The following UTP25 variants were observed in gnomAD, a reference collection of about 807,000 sequenced individuals.
UTP25 encodes U3 small nucleolar RNA-associated protein 25 homolog.
Under a neutral mutation model 78.9 loss-of-function variants are expected in UTP25, and 50 were observed. The ratio of observed to expected loss-of-function variants is 0.63; its 90% CI spans 0.50 to 0.80. UTP25 has a LOEUF of 0.80. Among genes scored for constraint, UTP25 ranks in the 30% least tolerant of loss-of-function variants. The pLI, the probability that UTP25 is intolerant of heterozygous loss-of-function variation, is 0.00. For synonymous variants in UTP25, 329 were observed against 336.5 expected, an observed-to-expected ratio of 0.98 and a Z score of 0.24; for missense variants, 846 against 911.3, an observed-to-expected ratio of 0.93 and a Z score of 0.92.
rs141324710 is a variant in UTP25 at position 209,848,379 on chromosome 1, G to A, written c.2028-2825G>A. ...TGTGTGTATGTAATTAATAAGTAAC[G>A]TGTGAGGTAAACATCACATTGTTTT... On this transcript the variant is annotated intron_variant, in intron 11 of 11. Coordinates refer to ENST00000491415, the MANE Select transcript of UTP25 (RefSeq NM_014388.7). 4.8e-3 allele frequency among the ~76,000 whole-genome samples: 735 copies of A among 152,240 alleles called. 9 individuals carry two copies. Among genetic ancestry groups the A allele is most frequent in the Non-Finnish European group, 6.1e-3 (417 of 68,012 alleles).
chr1:209,845,126 G>A (rs1414403270), intron 11 of UTP25, among the ~76,000 whole-genome samples: 3 of 152,226 alleles, frequency 2.0e-5, no homozygotes, highest in Admixed American at 1.3e-4. Flanking sequence ...TGGGGAGGGA[G>A]GCGTCCCAGC....
chr1:209,828,389 G>C (rs2102565192), intron 1 of UTP25, among the ~76,000 whole-genome samples: 1 of 146,846 alleles, frequency 6.8e-6, no homozygotes, highest in South Asian at 2.2e-4. Context: ...CACGCCCGTT[G>C]TGTGGGGGAG....
chr1:209,837,984 C>G (rs926590749), intron 6 of UTP25, among the ~76,000 whole-genome samples: 6 of 152,142 alleles, frequency 3.9e-5, no homozygotes, highest in African/African-American at 1.4e-4. Flanking sequence ...GTCAAACTCC[C>G]TTGTGTAATA....
Position 209,856,191 on chromosome 1 carries a change from A to AG in UTP25, c.*4747dup, listed in dbSNP as rs2102588949. 1 of 152,330 alleles carries AG rather than the reference A, an allele frequency of 6.6e-6. No homozygotes were observed. The highest frequency in any genetic ancestry group is 2.1e-4 in the South Asian group (1 of 4,822). 9.4% of individuals were successfully genotyped at this position (152,330 alleles called of 1,614,324 possible). On this transcript the variant is annotated 3_prime_UTR_variant, in exon 12 of 12. Transcript: ENST00000491415. ...GGAGTAATCCCCACTAGCCTTATAG[A>AG]GGGACTGTGTGAGAAGGGAAGAGAC...
In UTP25 at chr1:209,853,196, G is replaced by A. The variant is rs971234903; in HGVS notation, c.*1749G>A. ...AAATTTAGTTAGATAAAAGCCGACC[G>A]AACCCATGCTACAAAGAACTTTTTG... On this transcript the variant is annotated 3_prime_UTR_variant, in exon 12 of 12. Transcript: ENST00000491415. 2.0e-5 allele frequency: 3 copies of A among 152,048 alleles called. No individual in the cohort carries two copies. The highest frequency in any genetic ancestry group is 1.9e-4 in the East Asian group (1 of 5,196). The allele number at this position is 152,048 out of a possible 1,614,324, so 9.4% of individuals were successfully genotyped here. A position where few individuals can be genotyped will look rare whatever the true frequency, so the allele number is the denominator to read the frequency against.
At chr1:209,839,173 A>C (rs749040912) in intron 7 of UTP25, 45 bp downstream of exon 7, 1 of 1,491,790 alleles carries the variant, frequency 6.7e-7, no homozygotes, top group East Asian at 2.3e-5. Flanking sequence ...GTGAAGGTCT[A>C]CATAGCTGGA....
At chr1:209,831,122 C>T in intron 3 of UTP25, 79 bp downstream of exon 3, 1 of 1,462,096 alleles carries the variant, frequency 6.8e-7, no homozygotes, top group Non-Finnish European at 9.4e-7. Flanking sequence ...ACCTTATATA[C>T]TGTGTGAGTT....
At chr1:209,828,769 A>G (rs1447071598) in intron 1 of UTP25, among the ~76,000 whole-genome samples, 2 of 132,520 alleles carry the variant, frequency 1.5e-5, no homozygotes, top group Non-Finnish European at 1.6e-5. Flanking sequence ...ATATATATGT[A>G]TATATATAAT....
rs1227605656 is a variant in UTP25, at chr1:209,853,466, CG to C, written c.*2020del. 6.6e-6 allele frequency: 1 copy of C among 151,894 alleles called. No individual in the cohort carries two copies. The highest frequency in any genetic ancestry group is 2.4e-5 in the African/African-American group (1 of 41,332). 9.4% of individuals were successfully genotyped at this position (151,894 alleles called of 1,614,324 possible). A position where few individuals can be genotyped will look rare whatever the true frequency, so the allele number is the denominator to read the frequency against. ...GTGCCTCCCGAGTTCAAGCGATTCT[CG>C]TGCCTCCGCCTCCCAAGTAGCTGGG... On this transcript the variant is annotated 3_prime_UTR_variant, in exon 12 of 12. Coordinates refer to ENST00000491415, the MANE Select transcript of UTP25 (RefSeq NM_014388.7).
In UTP25 at chr1:209,853,471, C is replaced by T. The variant is rs112972438; in HGVS notation, c.*2024C>T. ...TCCCGAGTTCAAGCGATTCTCGTGC[C>T]TCCGCCTCCCAAGTAGCTGGGACTA... On this transcript the variant is annotated 3_prime_UTR_variant, in exon 12 of 12. Coordinates refer to ENST00000491415, the MANE Select transcript of UTP25 (RefSeq NM_014388.7). The T allele has an allele frequency of 0.14, 21,591 of 152,030 alleles. 1,745 individuals carry two copies. Among genetic ancestry groups the T allele is most frequent in the South Asian group, 0.22 (1,040 of 4,812 alleles). The allele number at this position is 152,030 out of a possible 1,614,324, so 9.4% of individuals were successfully genotyped here.
At chr1:209,838,419 A>T (rs1352723206) in intron 6 of UTP25, among the ~76,000 whole-genome samples, 1 of 151,936 alleles carries the variant, frequency 6.6e-6, no homozygotes, top group East Asian at 1.9e-4. Context: ...TAGAGAATGC[A>T]CTAGAAATGT....
rs766582766 is a variant in UTP25, at chr1:209,853,270, A to G, written c.*1823A>G. The G allele has an allele frequency of 3.9e-5, 6 of 152,044 alleles. No homozygotes were observed. Among genetic ancestry groups the G allele is most frequent in the Admixed American group, 1.3e-4 (2 of 15,268 alleles). The allele number at this position is 152,044 out of a possible 1,614,324, so 9.4% of individuals were successfully genotyped here. A position where few individuals can be genotyped will look rare whatever the true frequency, so the allele number is the denominator to read the frequency against. Reference sequence around the variant, plus strand: ...TACTGGCGTAATTGTGCTGCTGTTTATCATAGATCCTGTATATTATGAGAA... The same window carrying G: ...TACTGGCGTAATTGTGCTGCTGTTTGTCATAGATCCTGTATATTATGAGAA... On this transcript the variant is annotated 3_prime_UTR_variant, in exon 12 of 12. Coordinates refer to ENST00000491415, the MANE Select transcript of UTP25 (RefSeq NM_014388.7).
intron 2 of UTP25, 31 bp downstream of exon 2, chr1:209,830,178 G>C: frequency 8.8e-6 from 14 of 1,596,636 alleles, no homozygotes; most frequent in Non-Finnish European, 1.2e-5. Flanking sequence ...TTTAATAGTT[G>C]GTTTTGGGTT....
intron 2 of UTP25, 132 bp downstream of exon 2, chr1:209,830,279 C>G: frequency 2.5e-6 from 2 of 814,022 alleles, no homozygotes; most frequent in African/African-American, 1.8e-5. Flanking sequence ...GGCAGTATCA[C>G]TTAATTTTAA....
At chr1:209,835,292 G>A in intron 5 of UTP25, 129 bp downstream of exon 5, 1 of 747,688 alleles carries the variant, frequency 1.3e-6, no homozygotes, top group Non-Finnish European at 2.2e-6. Flanking sequence ...GGGAAGCAGG[G>A]CATAAGGAAG....
intron 11 of UTP25, among the ~76,000 whole-genome samples, chr1:209,849,383 G>A (rs1427215119): frequency 6.6e-6 from 1 of 151,966 alleles, no homozygotes; most frequent in Non-Finnish European, 1.5e-5. Context: ...GCTTTTTACT[G>A]GGTACAAGTC....
intron 7 of UTP25, among the ~76,000 whole-genome samples, chr1:209,840,274 A>C (rs1171278424): frequency 6.6e-6 from 1 of 152,264 alleles, no homozygotes; most frequent in African/African-American, 2.4e-5. Context: ...AGCTTTATGC[A>C]GCACGAGAGC....
At position 209,836,980 on chromosome 1, in the gene UTP25, C is replaced by G. The variant is rs766205047; in HGVS notation, c.831C>G (p.Pro277=). 1.4e-5 allele frequency: 23 copies of G among 1,614,026 alleles called. 1 individual carries two copies. The Middle Eastern group carries it at 8.2e-4, about 58-fold the overall frequency. The change falls in exon 6 of 12, where the codon CCC becomes CCG. Residue 277 remains proline (P), a synonymous_variant. Transcript: ENST00000491415. The part of the protein sequence containing the change: ...GPQKSSSPFT[P]LQKELFLIMN... ...AAAAATCAAGCAGCCCATTCACCCC[C>G]CTCCAGAAAGAACTCTTCTTAATTA...
At position 209,832,238 on chromosome 1, in the gene UTP25, T is replaced by C. The variant is rs147095195; in HGVS notation, c.389-947T>C. On this transcript the variant is annotated intron_variant, in intron 3 of 11. Transcript: ENST00000491415. Reference sequence around the variant, plus strand: ...TCCCTGCTACCCAGAGATAAACACCTTTAGCATTGTATATAACCTTTCAGA... The same window carrying C: ...TCCCTGCTACCCAGAGATAAACACCCTTAGCATTGTATATAACCTTTCAGA... 4.1e-3 allele frequency among the ~76,000 whole-genome samples: 631 copies of C among 152,252 alleles called. 1 individual carries two copies. The highest frequency in any genetic ancestry group is 0.027 in the Middle Eastern group (8 of 294).
Sources: allele counts gnomAD v4.1 joint callset (sites outside exome capture counted in the v4.1 genomes callset), GRCh38; gene constraint gnomAD v4.1.1; transcripts MANE v1.5; gene names NCBI Gene and HGNC (gene_info 2026-07-23, HGNC 2026-07-21).